Variants in FRMPD2 observed in about 807,000 individuals in gnomAD.
The protein encoded by FRMPD2 is FERM and PDZ domain-containing protein 2.
A neutral mutation model predicts 140.1 loss-of-function variants in FRMPD2; 96 were observed. The ratio of observed to expected loss-of-function variants is 0.69; its 90% CI spans 0.58 to 0.81. The LOEUF (loss-of-function observed/expected upper bound fraction) is 0.81. FRMPD2 is among the 40% of genes least tolerant of loss of function. The pLI, the probability that FRMPD2 is intolerant of heterozygous loss-of-function variation, is 0.00. For missense variants in FRMPD2, 1,240 were observed against 1,447.4 expected (o/e 0.86, Z 2.32); for synonymous variants, 449 against 547.6 (o/e 0.82, Z 2.52).
intron 10 of FRMPD2, among the ~76,000 whole-genome samples, chr10:48,230,958 A>T (rs1023052954): frequency 6.6e-6 from 1 of 151,938 alleles, no homozygotes; most frequent in Non-Finnish European, 1.5e-5. Flanking sequence ...CCTATGAAAC[A>T]GAACAATGAA....
chr10:48,255,337 C>A (rs1026989794), intron 1 of FRMPD2, among the ~76,000 whole-genome samples: 7 of 152,198 alleles, frequency 4.6e-5, no homozygotes, highest in Admixed American at 1.3e-4. Flanking sequence ...CCTGTAGCAG[C>A]CCCTCTCCCT....
At position 48,240,401 on chromosome 10, in the gene FRMPD2, C is replaced by A. The variant is rs775875461; in HGVS notation, c.659G>T (p.Ser220Ile). The A allele has an allele frequency of 5.6e-6, 9 of 1,613,208 alleles. No individual in the cohort carries two copies. The highest frequency in any genetic ancestry group is 5.9e-6 in the Non-Finnish European group (7 of 1,180,050). The change falls in exon 6 of 29, where the codon AGC (serine) becomes ATC (isoleucine). Residue 220 changes from serine to isoleucine, a missense_variant. Physicochemically the swap from Ser to Ile is moderately radical, Grantham distance 142. Transcript: ENST00000374201. ...RKRLRGTSSESPAAQAPECLH... is the reference protein window; with the variant it reads ...RKRLRGTSSEIPAAQAPECLH... ...ACACTCCGGGGCCTGTGCCGCTGGG[C>A]TCTCGCTGCTTGTCCCACGCAGCCT...
chr10:48,272,771 T>C (rs368636937), intron 1 of FRMPD2, among the ~76,000 whole-genome samples: 5 of 152,204 alleles, frequency 3.3e-5, no homozygotes, highest in African/African-American at 1.2e-4. Flanking sequence ...AACACAAAAA[T>C]TGGGAAAACA....
In FRMPD2 at chr10:48,250,204, CG is replaced by C. The variant is rs780004340; in HGVS notation, c.152-1027del. On this transcript the variant is annotated intron_variant, in intron 2 of 28. Transcript: ENST00000374201. ...CAGTGCGTGCTCCCTACCTGGCCAC[CG>C]GTGGCTATTGCCTGGGCCATGACTG... 1.3e-3 allele frequency among the ~76,000 whole-genome samples: 201 copies of C among 152,260 alleles called. 4 individuals carry two copies. The highest frequency in any genetic ancestry group is 9.7e-4 in the East Asian group (5 of 5,168).
intron 15 of FRMPD2, chr10:48,199,689 A>C (rs1233638536): frequency 2.0e-5 from 3 of 152,218 alleles, no homozygotes; most frequent in Non-Finnish European, 4.4e-5. Flanking sequence ...TATGAGTTTA[A>C]TACCAAACTC....
rs782781503 is a variant in FRMPD2, at chr10:48,163,661, A to G, written c.3548T>C (p.Leu1183Pro). The change falls in exon 28 of 29, where the codon CTC becomes CCC. Residue 1183 changes from leucine to proline, a missense_variant. This residue lies in a region of FRMPD2 where 30 missense variants were observed against 227.5 expected (regional missense o/e 0.13). Coordinates refer to ENST00000374201, the MANE Select transcript of FRMPD2 (RefSeq NM_001018071.4). ...ELEQEWQTPELSADKEFTRAT... is the reference protein window; with the variant it reads ...ELEQEWQTPEPSADKEFTRAT... Reference sequence around the variant, plus strand: ...CCTGGTGAATTCTTTGTCAGCTGAGAGTTCAGGTGTCTATTAAAAGAAATG... The same window carrying G: ...CCTGGTGAATTCTTTGTCAGCTGAGGGTTCAGGTGTCTATTAAAAGAAATG... 2.0e-6 allele frequency: 3 copies of G among 1,527,004 alleles called. No individual in the cohort carries two copies. The highest frequency in any genetic ancestry group is 2.7e-6 in the Non-Finnish European group (3 of 1,104,536). 94.6% of individuals were successfully genotyped at this position (1,527,004 alleles called of 1,614,324 possible).
At chr10:48,234,872 A>G (rs551036295) in intron 9 of FRMPD2, among the ~76,000 whole-genome samples, 2 of 152,160 alleles carry the variant, frequency 1.3e-5, no homozygotes, top group African/African-American at 4.8e-5. Context: ...TAAGCACTGC[A>G]CAAGCATCCC....
intron 8 of FRMPD2, 119 bp downstream of exon 8, chr10:48,237,872 C>G (rs750969800): frequency 3.1e-5 from 39 of 1,241,494 alleles, no homozygotes; most frequent in Non-Finnish European, 4.6e-5. Context: ...TCCTATAAAC[C>G]TCAGCCCAGG....
At chr10:48,245,979 A>G (rs1452524304) in intron 3 of FRMPD2, among the ~76,000 whole-genome samples, 1 of 152,222 alleles carries the variant, frequency 6.6e-6, no homozygotes, top group East Asian at 1.9e-4. Flanking sequence ...GATGTGTTCA[A>G]TGTCACCTGT....
intron 15 of FRMPD2, among the ~76,000 whole-genome samples, chr10:48,195,725 T>G (rs1232814264): frequency 2.0e-5 from 3 of 152,204 alleles, no homozygotes; most frequent in African/African-American, 7.2e-5. Context: ...AAAAGTAAAC[T>G]AAATATCAAA....
In FRMPD2 at chr10:48,206,933, C is replaced by T. The variant is rs1006527072; in HGVS notation, c.1612G>A (p.Val538Ile). ...CCGTATTCTGGGAGCTGCTGAGTGA[C>T]CTGGAGCAGAAAAAGGCTGATTTAG... is the stretch of plus-strand genomic sequence containing the variant. Reference protein sequence around the residue: ...GEDAELKFLRVTQQLPEYGVL... With the variant: ...GEDAELKFLRITQQLPEYGVL... The change falls in exon 14 of 29, where the codon GTC (valine) becomes ATC (isoleucine). Residue 538 changes from valine to isoleucine, a missense_variant and splice_region_variant. By Grantham distance (29) the Val-to-Ile change is conservative. Coordinates refer to ENST00000374201, the MANE Select transcript of FRMPD2 (RefSeq NM_001018071.4). 9 of 1,613,046 alleles carry T rather than the reference C, an allele frequency of 5.6e-6. No individual in the cohort carries two copies. In the African/African-American group the frequency reaches 1.2e-4, roughly 22 times the overall value.
intron 1 of FRMPD2, among the ~76,000 whole-genome samples, chr10:48,269,923 C>A (rs983192728): frequency 1.2e-4 from 19 of 152,130 alleles, no homozygotes; most frequent in South Asian, 6.2e-4. Flanking sequence ...TTCTCCTGGG[C>A]TTTATTTACC....
chr10:48,216,671 T>C (rs768679367), intron 12 of FRMPD2, among the ~76,000 whole-genome samples: 2 of 152,194 alleles, frequency 1.3e-5, no homozygotes, highest in African/African-American at 2.4e-5. Context: ...ACATGCTAGA[T>C]ACCACACATG....
At position 48,213,139 on chromosome 10, in the gene FRMPD2, C is replaced by T. The variant is rs375754353; in HGVS notation, c.1456-1030G>A. On this transcript the variant is annotated intron_variant, in intron 12 of 28. Coordinates refer to ENST00000374201, the MANE Select transcript of FRMPD2 (RefSeq NM_001018071.4). ...TCTGAAGAGAAGAGCACAGTGTCCA[C>T]TACCTCCCACACTCCTGATGTAGCA... 5.9e-5 allele frequency among the ~76,000 whole-genome samples: 9 copies of T among 152,306 alleles called. No homozygotes were observed. In the East Asian group the frequency reaches 1.7e-3, roughly 29 times the overall value.
At chr10:48,221,308 C>T (rs2131900945) in intron 12 of FRMPD2, among the ~76,000 whole-genome samples, 1 of 152,216 alleles carries the variant, frequency 6.6e-6, no homozygotes, top group East Asian at 1.9e-4. Context: ...GAATTAGAGA[C>T]CATTATTCTA....
intron 1 of FRMPD2, among the ~76,000 whole-genome samples, chr10:48,267,380 A>T (rs1432766414): frequency 6.6e-6 from 1 of 152,226 alleles, no homozygotes; most frequent in East Asian, 1.9e-4. Flanking sequence ...CATTAGAAAC[A>T]CTATGGGTGG....
At chr10:48,250,504 G>T (rs1840350245) in intron 2 of FRMPD2, among the ~76,000 whole-genome samples, 1 of 151,916 alleles carries the variant, frequency 6.6e-6, no homozygotes, top group African/African-American at 2.4e-5. Flanking sequence ...GGGTTCAAGT[G>T]ATTCTCCTGC....
intron 18 of FRMPD2, 113 bp from the exon 19 acceptor site, chr10:48,184,994 G>T: frequency 1.4e-6 from 1 of 690,868 alleles, no homozygotes; most frequent in Non-Finnish European, 2.5e-6. Flanking sequence ...TTAGCTGATA[G>T]TTACAGTCAG....
At chr10:48,192,528 G>T (rs1355240596) in intron 16 of FRMPD2, among the ~76,000 whole-genome samples, 156 bp downstream of exon 16, 1 of 151,952 alleles carries the variant, frequency 6.6e-6, no homozygotes, top group East Asian at 1.9e-4. Flanking sequence ...CTGAGGTTGC[G>T]GTGAGCCAAG....
Sources: allele counts gnomAD v4.1 joint callset (sites outside exome capture counted in the v4.1 genomes callset), GRCh38; gene constraint gnomAD v4.1.1; regional missense constraint gnomAD v4.1.1; transcripts MANE v1.5; gene names NCBI Gene and HGNC (gene_info 2026-07-23, HGNC 2026-07-21).